Variants in IMMP2L observed in about 807,000 individuals in gnomAD.
IMMP2L encodes mitochondrial inner membrane protease subunit 2.
In IMMP2L, 18 loss-of-function variants were observed where a neutral mutation model predicts 19.3. The ratio of observed to expected loss-of-function variants is 0.93; its 90% CI spans 0.64 to 1.38. The LOEUF (loss-of-function observed/expected upper bound fraction) is 1.38. Among genes scored for constraint, IMMP2L ranks in the 40% most tolerant of loss-of-function variants. The pLI is 0.00. For synonymous variants in IMMP2L, 76 were observed against 73.0 expected, an observed-to-expected ratio of 1.04 and a Z score of -0.21; for missense variants, 233 against 218.2, an observed-to-expected ratio of 1.07 and a Z score of -0.43.
intron 3 of IMMP2L, among the ~76,000 whole-genome samples, chr7:111,163,846 TTTG>T (rs1805532734): frequency 1.3e-5 from 2 of 151,986 alleles, no homozygotes; most frequent in Non-Finnish European, 2.9e-5. Flanking sequence ...GTAACTCAGC[TTTG>T]CTATATCTCA....
At chr7:111,421,053 T>C (rs752939429) in intron 3 of IMMP2L, among the ~76,000 whole-genome samples, 6 of 151,736 alleles carry the variant, frequency 4.0e-5, no homozygotes, top group Non-Finnish European at 7.4e-5. Flanking sequence ...TTTCTCCACA[T>C]CCTCTCCAGC....
rs1795975989 is a variant in IMMP2L, at chr7:110,727,519, C to CA, written c.409-63799dup. 6.6e-6 allele frequency among the ~76,000 whole-genome samples: 1 copy of CA among 152,192 alleles called. No individual in the cohort carries two copies. The highest frequency in any genetic ancestry group is 2.4e-5 in the African/African-American group (1 of 41,446). ...TATCACTGTTTCCTCCTCTCCCTCC[C>CA]AGTGCTCCAAACCAGTAAGAGTCAG... On this transcript the variant is annotated intron_variant, in intron 5 of 5. Coordinates refer to ENST00000405709, the MANE Select transcript of IMMP2L (RefSeq NM_032549.4). This position sits in a 1 kb window ranked among gnomAD's most constrained non-coding sequence, Gnocchi z 4.3.
intron 5 of IMMP2L, among the ~76,000 whole-genome samples, chr7:110,731,420 G>A (rs1390009903): frequency 6.6e-6 from 1 of 152,124 alleles, no homozygotes; most frequent in Non-Finnish European, 1.5e-5. Context: ...AATGTATTTA[G>A]TATTTATTAT....
intron 2 of IMMP2L, among the ~76,000 whole-genome samples, chr7:111,506,074 C>A (rs1322228468): frequency 6.6e-6 from 1 of 151,826 alleles, no homozygotes; most frequent in African/African-American, 2.4e-5. Context: ...TTGAGAACAC[C>A]TGGGCAACAT....
chr7:111,192,049 T>C (rs1808939613), intron 3 of IMMP2L, among the ~76,000 whole-genome samples: 1 of 152,086 alleles, frequency 6.6e-6, no homozygotes, highest in Non-Finnish European at 1.5e-5. Context: ...AGCAACCTTA[T>C]GGTTGACACC....
intron 5 of IMMP2L, among the ~76,000 whole-genome samples, chr7:110,797,315 C>T (rs1800930698): frequency 6.6e-6 from 1 of 151,946 alleles, no homozygotes; most frequent in Non-Finnish European, 1.5e-5. Context: ...CAAAATTACA[C>T]AGTAGAACAT....
chr7:110,775,399 T>A (rs544439541), intron 5 of IMMP2L, among the ~76,000 whole-genome samples: 1 of 152,010 alleles, frequency 6.6e-6, no homozygotes, highest in African/African-American at 2.4e-5. Flanking sequence ...AGAAAAATTC[T>A]ATTTAAATTC....
chr7:110,674,263 G>T (rs1319501278), intron 5 of IMMP2L, among the ~76,000 whole-genome samples: 2 of 152,140 alleles, frequency 1.3e-5, no homozygotes, highest in Non-Finnish European at 2.9e-5. Context: ...ACTATCATGA[G>T]AATAGCATGA....
intron 3 of IMMP2L, among the ~76,000 whole-genome samples, chr7:111,076,880 C>T (rs1396229094): frequency 6.6e-6 from 1 of 152,172 alleles, no homozygotes; most frequent in Non-Finnish European, 1.5e-5. Flanking sequence ...CCCTAAAAAT[C>T]CTCAGGGCAA....
chr7:111,472,275 A>G lies in IMMP2L; in HGVS notation c.239+14963T>C, dbSNP rs1841340892. 1.3e-5 allele frequency among the ~76,000 whole-genome samples: 2 copies of G among 152,142 alleles called. 1 individual carries two copies. Among genetic ancestry groups the G allele is most frequent in the East Asian group, 3.8e-4 (2 of 5,196 alleles). On this transcript the variant is annotated intron_variant, in intron 3 of 5. Coordinates refer to ENST00000405709, the MANE Select transcript of IMMP2L (RefSeq NM_032549.4). ...CTTTCAAGTACACATCTCTTTAAAA[A>G]AAAGTTCTAAGAAAACATATCTGGA...
chr7:110,693,363 T>A lies in IMMP2L; in HGVS notation c.409-29642A>T, dbSNP rs758629817. ...CATTAGCCCCCTAAATGGTTTCAAA[T>A]GTCACAATGGAAAAGCCTTCTATGT... On this transcript the variant is annotated intron_variant, in intron 5 of 5. Coordinates refer to ENST00000405709, the MANE Select transcript of IMMP2L (RefSeq NM_032549.4). Among the ~76,000 whole-genome samples, 77 of 152,344 alleles carry A rather than the reference T, an allele frequency of 5.1e-4. 1 individual carries two copies. The highest frequency in any genetic ancestry group is 9.3e-4 in the Non-Finnish European group (63 of 68,036).
chr7:110,668,327 T>C (rs909318290), intron 5 of IMMP2L, among the ~76,000 whole-genome samples: 1 of 152,242 alleles, frequency 6.6e-6, no homozygotes, highest in Non-Finnish European at 1.5e-5. Context: ...TGATCTGTCA[T>C]ATTGCAGTTT....
At chr7:111,157,575 G>C (rs927808234) in intron 3 of IMMP2L, among the ~76,000 whole-genome samples, 15 of 152,078 alleles carry the variant, frequency 9.9e-5, no homozygotes, top group African/African-American at 3.1e-4. Context: ...CAGAGGCTAG[G>C]AAGCATATTG....
intron 3 of IMMP2L, among the ~76,000 whole-genome samples, chr7:111,444,103 G>A (rs945943904): frequency 6.6e-6 from 1 of 152,062 alleles, no homozygotes; most frequent in Non-Finnish European, 1.5e-5. Context: ...TTTGTCACTT[G>A]AGAGAAATAA....
chr7:111,411,105 A>C (rs1834373910), intron 3 of IMMP2L, among the ~76,000 whole-genome samples: 1 of 150,796 alleles, frequency 6.6e-6, no homozygotes, highest in African/African-American at 2.4e-5. Context: ...AAAAAAAAAA[A>C]AAGTAACAAA....
intron 3 of IMMP2L, among the ~76,000 whole-genome samples, chr7:111,420,493 G>C (rs1458953267): frequency 1.3e-5 from 2 of 151,654 alleles, no homozygotes; most frequent in Admixed American, 1.3e-4. Flanking sequence ...TGCCATCTTG[G>C]TTTGCTGCAT....
At chr7:111,466,919 A>ATAC (rs1206896448) in intron 3 of IMMP2L, among the ~76,000 whole-genome samples, 1 of 152,154 alleles carries the variant, frequency 6.6e-6, no homozygotes, top group Admixed American at 6.5e-5. Flanking sequence ...TTATATGCAA[A>ATAC]TACTACACCA....
chr7:110,840,204 C>T (rs1804929026), intron 5 of IMMP2L, among the ~76,000 whole-genome samples: 1 of 152,132 alleles, frequency 6.6e-6, no homozygotes, highest in South Asian at 2.1e-4. Context: ...CACTTTCACC[C>T]TCAGACATAG....
chr7:111,222,619 G>A (rs1812640863), intron 3 of IMMP2L, among the ~76,000 whole-genome samples: 1 of 151,878 alleles, frequency 6.6e-6, no homozygotes, highest in Non-Finnish European at 1.5e-5. Flanking sequence ...ACTTCAAGGA[G>A]ATGATATTTG....
Sources: allele counts gnomAD v4.1 joint callset (sites outside exome capture counted in the v4.1 genomes callset), GRCh38; gene constraint gnomAD v4.1.1; non-coding constraint Gnocchi (gnomAD v3.1); transcripts MANE v1.5; gene names NCBI Gene and HGNC (gene_info 2026-07-23, HGNC 2026-07-21).